PKD1L1: variants seen among roughly 807,000 people sequenced by gnomAD.
PKD1L1 encodes polycystin-1-like protein 1.
Under a neutral mutation model 323.4 loss-of-function variants are expected in PKD1L1, and 236 were observed. The observed-to-expected ratio is 0.73, with a 90% CI of 0.66 to 0.81. The LOEUF (loss-of-function observed/expected upper bound fraction) is 0.81, where lower values mean the gene tolerates loss of function less well. PKD1L1 is among the 40% of genes least tolerant of loss of function. The pLI is 0.00. For missense variants in PKD1L1, 3,320 were observed against 3,508.0 expected (o/e 0.95, Z 1.35); for synonymous variants, 1,344 against 1,335.0 (o/e 1.01, Z -0.15).
intron 24 of PKD1L1, among the ~76,000 whole-genome samples, chr7:47,872,591 GCTCAAC>G (rs1177951440): frequency 6.6e-6 from 1 of 152,192 alleles, no homozygotes; most frequent in Non-Finnish European, 1.5e-5. Flanking sequence ...ATGAAAAGAT[GCTCAAC>G]CTCATCAATT....
chr7:47,879,971 G>T (rs1786503135), intron 21 of PKD1L1, among the ~76,000 whole-genome samples: 2 of 150,704 alleles, frequency 1.3e-5, no homozygotes, highest in East Asian at 3.9e-4. Flanking sequence ...TAAGCCCACT[G>T]TGCTTGTCAT....
At position 47,813,986 on chromosome 7, in the gene PKD1L1, A is replaced by T; in HGVS notation, c.7118T>A (p.Leu2373Gln). ...CTGCCTAATTACGGAACTGCCTATT[A>T]GGTAGCATTTTCCTCCAAGAGCTCC... ...QPGALGGKCY[L>Q]IGSSVIRQLK... Residue 2373 changes from leucine to glutamine, a missense_variant, in exon 48 of 57, where the codon CTA becomes CAA. By Grantham distance (113) the Leu-to-Gln change is moderately radical. Coordinates refer to ENST00000289672, the MANE Select transcript of PKD1L1 (RefSeq NM_138295.5). 2 of 1,614,084 alleles carry T rather than the reference A, an allele frequency of 1.2e-6. No homozygotes were observed. The highest frequency in any genetic ancestry group is 1.7e-6 in the Non-Finnish European group (2 of 1,180,020).
At chr7:47,958,084 GA>G in the PKD1L1 span, among the ~76,000 whole-genome samples, 5 of 150,666 alleles carry the variant, frequency 3.3e-5, no homozygotes, top group African/African-American at 7.3e-5. Flanking sequence ...TTCACAGATA[GA>G]AAAAAAAATC....
At chr7:47,855,420 A>G (rs1240425084) in intron 28 of PKD1L1, among the ~76,000 whole-genome samples, 155 bp from the exon 29 acceptor site, 1 of 152,262 alleles carries the variant, frequency 6.6e-6, no homozygotes, top group African/African-American at 2.4e-5. Context: ...AACCAGTTTT[A>G]CTAGTCAGGA....
chr7:47,873,518 A>G (rs149624406), intron 24 of PKD1L1, among the ~76,000 whole-genome samples: 48,860 of 151,170 alleles, frequency 0.32, 8,409 homozygotes, highest in African/African-American at 0.43. Context: ...TTGGTGGCGC[A>G]CACCTGTAAT....
chr7:47,956,572 G>A, the PKD1L1 span, among the ~76,000 whole-genome samples: 1 of 152,120 alleles, frequency 6.6e-6, no homozygotes, highest in Non-Finnish European at 1.5e-5. Flanking sequence ...ACTATACAAG[G>A]ACAATCACAG....
At chr7:47,787,785 C>T (rs978239995) in intron 56 of PKD1L1, among the ~76,000 whole-genome samples, 4 of 152,074 alleles carry the variant, frequency 2.6e-5, no homozygotes, top group African/African-American at 9.7e-5. Context: ...AATCATGGCT[C>T]ACTGCAGCCT....
intron 46 of PKD1L1, among the ~76,000 whole-genome samples, chr7:47,816,375 A>G (rs986830116): frequency 6.6e-6 from 1 of 152,258 alleles, no homozygotes; most frequent in Non-Finnish European, 1.5e-5. Flanking sequence ...TTGCTCAGAC[A>G]CTGCTATAAA....
chr7:47,881,403 T>G (rs887474666), intron 20 of PKD1L1, among the ~76,000 whole-genome samples: 6 of 152,178 alleles, frequency 3.9e-5, no homozygotes, highest in African/African-American at 1.4e-4. Context: ...AAGGGAAAAT[T>G]ATCTAAAAAT....
the PKD1L1 span, among the ~76,000 whole-genome samples, chr7:47,960,124 T>A: frequency 6.6e-6 from 1 of 151,136 alleles, no homozygotes; most frequent in Admixed American, 6.6e-5. Context: ...GTTAAATGGA[T>A]TAAGGGTGGT....
In PKD1L1 at chr7:47,846,984, G is replaced by A. The variant is rs1439540112; in HGVS notation, c.5048C>T (p.Thr1683Ile). 2.1e-5 allele frequency: 34 copies of A among 1,613,612 alleles called. No individual in the cohort carries two copies. In the Admixed American group the frequency reaches 5.5e-4, roughly 26 times the overall value. ...NRYLAKAVNY[T>I]VHFQWIRCLF... is the part of the protein sequence containing the mutation. ...GCATCGGATCCACTGGAAATGTACT[G>A]TATAGTTCACTGCCTTAGCTAAATA... The change falls in exon 32 of 57, where the codon ACA (threonine) becomes ATA (isoleucine). Residue 1683 changes from threonine (T) to isoleucine (I), a missense_variant. Physicochemically the swap from Thr to Ile is moderately conservative, Grantham distance 89 (BLOSUM62 -1). Transcript: ENST00000289672.
intron 34 of PKD1L1, among the ~76,000 whole-genome samples, chr7:47,842,726 G>C (rs1438256316): frequency 1.3e-5 from 2 of 152,180 alleles, no homozygotes; most frequent in African/African-American, 4.8e-5. Context: ...TTCCACAGTG[G>C]AGACAGAAGG....
Position 47,888,109 on chromosome 7 carries a change from A to C in PKD1L1, c.2717T>G (p.Val906Gly). 6.2e-7 allele frequency: 1 copy of C among 1,614,120 alleles called. No homozygotes were observed. Among genetic ancestry groups the C allele is most frequent in the Non-Finnish European group, 8.5e-7 (1 of 1,179,984 alleles). ...AAGAGAGAGTTCGTCATTCCAGTTG[A>C]CGAAGGTGTCTTTAAAGCTGACCCA... ...ISWVSFKDTF[V>G]NWNDELSLQA... Residue 906 changes from valine (V) to glycine (G), a missense_variant, in exon 17 of 57, where the codon GTC becomes GGC. Physicochemically the swap from Val to Gly is moderately radical, Grantham distance 109. Transcript: ENST00000289672.
chr7:47,784,131 G>A lies in PKD1L1; in HGVS notation c.8526+8496C>T, dbSNP rs534957509. 1.1e-4 allele frequency among the ~76,000 whole-genome samples: 16 copies of A among 152,278 alleles called. No individual in the cohort carries two copies. In the South Asian group the frequency reaches 3.3e-3, roughly 32 times the overall value. On this transcript the variant is annotated intron_variant, in intron 56 of 56. Coordinates refer to ENST00000289672, the MANE Select transcript of PKD1L1 (RefSeq NM_138295.5). Reference sequence around the variant, plus strand: ...CATTGGAGCTATGTCTGCCAGGAAGGAATGAATCAGCAGCCACAAAAACAT... The same window carrying A: ...CATTGGAGCTATGTCTGCCAGGAAGAAATGAATCAGCAGCCACAAAAACAT...
rs1318146278 is a variant in PKD1L1 at position 47,907,039 on chromosome 7, G to T, written c.1402+1038C>A. On this transcript the variant is annotated intron_variant, in intron 9 of 56. Transcript: ENST00000289672. Reference sequence around the variant, plus strand: ...TTACAAGAATTGTGCCCTTGCACTGGCTAGACGTGCTGCTTATTTATTCAG... The same window carrying T: ...TTACAAGAATTGTGCCCTTGCACTGTCTAGACGTGCTGCTTATTTATTCAG... 2.0e-5 allele frequency among the ~76,000 whole-genome samples: 3 copies of T among 152,192 alleles called. No homozygotes were observed. In the East Asian group the frequency reaches 5.8e-4, roughly 29 times the overall value.
intron 44 of PKD1L1, among the ~76,000 whole-genome samples, chr7:47,827,983 T>C (rs1266224862): frequency 2.0e-5 from 3 of 152,168 alleles, no homozygotes; most frequent in African/African-American, 7.2e-5. Context: ...TCAACACACA[T>C]TCACTGGATC....
chr7:47,940,323 GA>G lies in PKD1L1; in HGVS notation c.161-7del, dbSNP rs569150360. On this transcript the variant is annotated splice_polypyrimidine_tract_variant and splice_region_variant and intron_variant, in intron 2 of 56. Transcript: ENST00000289672. ...CACATGATTAGCATAGACCTCTAGA[GA>G]AAAAAAAAAAAGCAAACATTCTGAA... The G allele has an allele frequency of 9.8e-3, 12,238 of 1,252,192 alleles. No individual in the cohort carries two copies. Among genetic ancestry groups the G allele is most frequent in the South Asian group, 0.026 (1,630 of 62,936 alleles). 77.6% of individuals were successfully genotyped at this position (1,252,192 alleles called of 1,614,324 possible). A position where few individuals can be genotyped will look rare whatever the true frequency, so the allele number is the denominator to read the frequency against.
chr7:47,818,071 T>C (rs1395020506), intron 46 of PKD1L1: 1 of 1,367,794 alleles, frequency 7.3e-7, no homozygotes, highest in Admixed American at 1.9e-5. Flanking sequence ...TCTCTACAAG[T>C]TTTGTCAAAC....
chr7:47,924,022 C>T (rs1309820305), intron 7 of PKD1L1, among the ~76,000 whole-genome samples: 1 of 151,724 alleles, frequency 6.6e-6, no homozygotes, highest in Non-Finnish European at 1.5e-5. Flanking sequence ...TGTCAAAAAT[C>T]TAGTATCAAG....
Sources: allele counts gnomAD v4.1 joint callset (sites outside exome capture counted in the v4.1 genomes callset), GRCh38; gene constraint gnomAD v4.1.1; transcripts MANE v1.5; gene names NCBI Gene and HGNC (gene_info 2026-07-23, HGNC 2026-07-21).